Variants in PARP14 observed in about 807,000 individuals in gnomAD.
PARP14 encodes the protein protein mono-ADP-ribosyltransferase PARP14.
PARP14 carries 59 observed loss-of-function variants against 154.2 expected under a neutral mutation model. The observed-to-expected ratio is 0.38, with a 90% CI of 0.31 to 0.48. The LOEUF is 0.48. Ranked by LOEUF, PARP14 falls within the 20% of genes least tolerant of loss-of-function variation. The probability of loss-of-function intolerance (pLI) is 0.98; values close to 1 mark genes in which losing one functional copy is unlikely to be tolerated. For synonymous variants in PARP14, 720 were observed against 780.5 expected (o/e 0.92, Z 1.29); for missense variants, 1,734 against 2,131.6 (o/e 0.81, Z 3.67).
chr3:122,685,169 C>G lies in PARP14; in HGVS notation c.188-16C>G, dbSNP rs766837625. On this transcript the variant is annotated splice_polypyrimidine_tract_variant and intron_variant, in intron 1 of 16. Coordinates refer to ENST00000474629, the MANE Select transcript of PARP14 (RefSeq NM_017554.3). ...TGCTTGTCATTTGTCTTTTTTCCCC[C>G]CTTTGGACATTTCAGTTCGGCAGAA... 22 of 1,612,542 alleles carry G rather than the reference C, an allele frequency of 1.4e-5. No individual in the cohort carries two copies. The Admixed American group carries it at 3.5e-4, about 26-fold the overall frequency.
At position 122,685,287 on chromosome 3, in the gene PARP14, A is replaced by G. The variant is rs772215882; in HGVS notation, c.290A>G (p.Asp97Gly). ...TTACCTGCAACCCCAGATGAAATCG[A>G]TCATGTCTTTGAAGAGGAACTTCTA... ...VQLPATPDEIDHVFEEELLTK... is the reference protein window; with the variant it reads ...VQLPATPDEIGHVFEEELLTK... Residue 97 changes from aspartate (D) to glycine (G), a missense_variant, in exon 2 of 17, where the codon GAT becomes GGT. By Grantham distance (94) the Asp-to-Gly change is moderately conservative. Around this residue, in one of 2 missense-constraint regions of PARP14, gnomAD observed 1,646 missense variants for 1,976.0 expected, o/e 0.83. Coordinates refer to ENST00000474629, the MANE Select transcript of PARP14 (RefSeq NM_017554.3). 1.9e-6 allele frequency: 3 copies of G among 1,613,942 alleles called. No homozygotes were observed. Among genetic ancestry groups the G allele is most frequent in the South Asian group, 2.2e-5 (2 of 91,084 alleles).
chr3:122,701,654 GAAC>G lies in PARP14; in HGVS notation c.3081+21_3081+23del. On this transcript the variant is annotated intron_variant, in intron 6 of 16. Coordinates refer to ENST00000474629, the MANE Select transcript of PARP14 (RefSeq NM_017554.3). This position sits in a 1 kb window ranked among gnomAD's most constrained non-coding sequence, Gnocchi z 4.0. ...TGCTAAGGTGAGTGTCGCTTTTACA[GAAC>G]ACCACCAGGGCACTGTGACTTTACT... 6.6e-7 allele frequency: 1 copy of G among 1,526,480 alleles called. No homozygotes were observed. The highest frequency in any genetic ancestry group is 8.9e-7 in the Non-Finnish European group (1 of 1,129,182). The allele number at this position is 1,526,480 out of a possible 1,614,324, so 94.6% of individuals were successfully genotyped here.
At chr3:122,691,726 T>C (rs1485336720) in intron 3 of PARP14, among the ~76,000 whole-genome samples, 4 of 152,160 alleles carry the variant, frequency 2.6e-5, no homozygotes, top group Admixed American at 1.3e-4. Context: ...TTTGAGAAGC[T>C]TTGTTGAATA....
At position 122,701,009 on chromosome 3, in the gene PARP14, G is replaced by A; in HGVS notation, c.2455G>A (p.Val819Met). ...CTTGGCACGGCTTCCTGTCGATGTG[G>A]TGGTGAATGCATCTAATGAGGACCT... ...GDLARLPVDVVVNASNEDLKH... is the reference protein window; with the variant it reads ...GDLARLPVDVMVNASNEDLKH... Residue 819 changes from valine (V) to methionine (M), a missense_variant, in exon 6 of 17, where the codon GTG becomes ATG. Physicochemically the swap from Val to Met is conservative, Grantham distance 21. Transcript: ENST00000474629. This position sits in a 1 kb window ranked among gnomAD's most constrained non-coding sequence, Gnocchi z 4.0. 1 of 1,614,024 alleles carries A rather than the reference G, an allele frequency of 6.2e-7. No individual in the cohort carries two copies.
chr3:122,721,921 G>A (rs977880518), intron 15 of PARP14: 4 of 152,184 alleles, frequency 2.6e-5, no homozygotes, highest in Non-Finnish European at 5.9e-5. Context: ...TGGTTAAAGA[G>A]AAAAGAATGG....
rs1938578433 is a variant in PARP14, at chr3:122,692,633, T to G, written c.598+90T>G. 8 of 1,131,886 alleles carry G rather than the reference T, an allele frequency of 7.1e-6. No individual in the cohort carries two copies. The South Asian group carries it at 1.1e-4, about 16-fold the overall frequency. The allele number at this position is 1,131,886 out of a possible 1,614,324, so 70.1% of individuals were successfully genotyped here. ...TCTTAGGGGGACATCTCTGAAAGTT[T>G]GACTCTTTCTAGTAGCTACTAAGAG... On this transcript the variant is annotated intron_variant, in intron 4 of 16. Transcript: ENST00000474629.
Position 122,708,532 on chromosome 3 carries a change from G to A in PARP14, c.3619+264G>A, listed in dbSNP as rs140390019. ...GACTACCATTTCCTGAGGAGAATGTGACATGTATTTTCCAAAATAGACAAA... is the reference window on the plus strand; with the variant it reads ...GACTACCATTTCCTGAGGAGAATGTAACATGTATTTTCCAAAATAGACAAA... On this transcript the variant is annotated intron_variant, in intron 9 of 16. Coordinates refer to ENST00000474629, the MANE Select transcript of PARP14 (RefSeq NM_017554.3). Among the ~76,000 whole-genome samples the A allele has an allele frequency of 3.7e-4, 56 of 152,262 alleles. No individual in the cohort carries two copies. The East Asian group carries it at 0.01, about 28-fold the overall frequency.
chr3:122,694,847 G>T (rs1204733926), intron 4 of PARP14, among the ~76,000 whole-genome samples: 1 of 152,106 alleles, frequency 6.6e-6, no homozygotes, highest in Non-Finnish European at 1.5e-5. Flanking sequence ...AGACAATTGA[G>T]TTGAGTCCTA....
chr3:122,690,121 G>T (rs1235522537), intron 3 of PARP14, among the ~76,000 whole-genome samples: 1 of 152,128 alleles, frequency 6.6e-6, no homozygotes, highest in Non-Finnish European at 1.5e-5. Context: ...GATTGTTAAT[G>T]CTCTTTTTTG....
intron 14 of PARP14, 138 bp from the exon 15 acceptor site, chr3:122,720,117 T>C: frequency 1.2e-6 from 1 of 845,384 alleles, no homozygotes; most frequent in South Asian, 1.8e-5. Flanking sequence ...GTTCATGCTT[T>C]GAAAAGCGTT....
Position 122,717,174 on chromosome 3 carries a change from C to A in PARP14, c.4001-897C>A, listed in dbSNP as rs189109273. Among the ~76,000 whole-genome samples, 421 of 152,314 alleles carry A rather than the reference C, an allele frequency of 2.8e-3. 7 individuals carry two copies. Among genetic ancestry groups the A allele is most frequent in the Non-Finnish European group, 8.7e-4 (59 of 68,026 alleles). On this transcript the variant is annotated intron_variant, in intron 12 of 16. Coordinates refer to ENST00000474629, the MANE Select transcript of PARP14 (RefSeq NM_017554.3). ...TGTCAGCATAGCCAAGTCAAAGAAG[C>A]CTACTCTTCTTCTGCAATAGTGGTG...
At chr3:122,685,699 G>A (rs746834276) in intron 2 of PARP14, among the ~76,000 whole-genome samples, 5 of 151,932 alleles carry the variant, frequency 3.3e-5, no homozygotes, top group South Asian at 2.1e-4. Context: ...TAGTAGAGAC[G>A]GGGTTTCACC....
At chr3:122,693,891 A>G (rs1462236808) in intron 4 of PARP14, among the ~76,000 whole-genome samples, 2 of 152,048 alleles carry the variant, frequency 1.3e-5, no homozygotes, top group Non-Finnish European at 2.9e-5. Context: ...TTAACAACTT[A>G]ACGTAGTACC....
chr3:122,682,918 G>T (rs1938258721), intron 1 of PARP14, among the ~76,000 whole-genome samples: 1 of 152,162 alleles, frequency 6.6e-6, no homozygotes, highest in South Asian at 2.1e-4. Context: ...AGCCGAGCGT[G>T]GTGGTGTGCG....
At chr3:122,711,933 C>A (rs537730104) in intron 9 of PARP14, among the ~76,000 whole-genome samples, 33 of 152,212 alleles carry the variant, frequency 2.2e-4, no homozygotes, top group Admixed American at 7.9e-4. Flanking sequence ...TGTAATGTCT[C>A]CAGTTTCATT....
At chr3:122,713,817 T>G (rs1056258768) in intron 10 of PARP14, 55 bp from the exon 11 acceptor site, 4 of 1,272,962 alleles carry the variant, frequency 3.1e-6, no homozygotes, top group Non-Finnish European at 3.4e-6. Flanking sequence ...CTGATCCAAA[T>G]ATACCATAGT....
chr3:122,693,205 T>G (rs577179153), intron 4 of PARP14, among the ~76,000 whole-genome samples: 4 of 152,222 alleles, frequency 2.6e-5, no homozygotes, highest in Admixed American at 1.3e-4. Context: ...CATTCACATA[T>G]GTAGGTATGA....
At chr3:122,682,485 T>C (rs573376904) in intron 1 of PARP14, among the ~76,000 whole-genome samples, 5 of 152,224 alleles carry the variant, frequency 3.3e-5, no homozygotes, top group South Asian at 4.1e-4. Flanking sequence ...GTGTTCAAGT[T>C]TCAGAATTTC....
At chr3:122,704,044 A>G in intron 7 of PARP14, 66 bp downstream of exon 7, 2 of 1,037,218 alleles carry the variant, frequency 1.9e-6, no homozygotes, top group Non-Finnish European at 1.5e-6. Context: ...TTAGTAGCAT[A>G]TTAATTGGAC....
Sources: gnomAD v4.1 joint callset for allele counts (sites outside exome capture counted in the v4.1 genomes callset) on GRCh38, gnomAD v4.1.1 for gene constraint, gnomAD v4.1.1 regional missense constraint, Gnocchi (gnomAD v3.1) non-coding constraint, MANE v1.5 for transcripts, NCBI Gene and HGNC (gene_info 2026-07-23, HGNC 2026-07-21) for gene names.